The following CYRIA variants were observed in gnomAD, a reference collection of about 807,000 sequenced individuals.
CYRIA encodes the protein CYFIP-related Rac1 interactor A.
A neutral mutation model predicts 43.9 loss-of-function variants in CYRIA; 15 were observed. The ratio of observed to expected loss-of-function variants is 0.34; its 90% CI spans 0.23 to 0.53. CYRIA has a LOEUF of 0.53. CYRIA is among the 20% of genes least tolerant of loss of function. CYRIA has a pLI of 0.94. For synonymous variants in CYRIA, 117 were observed against 136.0 expected (o/e 0.86, Z 0.97); for missense variants, 236 against 394.2 (o/e 0.60, Z 3.40).
chr2:16,611,029 C>A (rs1668581003), intron 2 of CYRIA, among the ~76,000 whole-genome samples: 1 of 150,866 alleles, frequency 6.6e-6, no homozygotes, highest in Non-Finnish European at 1.5e-5. Flanking sequence ...ATCAATCCAT[C>A]CCCTGTATCT....
At chr2:16,557,570 G>A (rs1231402130) in intron 10 of CYRIA, among the ~76,000 whole-genome samples, 1 of 152,042 alleles carries the variant, frequency 6.6e-6, no homozygotes, top group Admixed American at 6.6e-5. Context: ...ATCTCAAATG[G>A]TTTACCGTGC....
At chr2:16,567,290 G>A (rs2103421347) in intron 3 of CYRIA, among the ~76,000 whole-genome samples, 1 of 152,210 alleles carries the variant, frequency 6.6e-6, no homozygotes, top group East Asian at 1.9e-4. Flanking sequence ...TGTAGTCTCA[G>A]CTACTTGGGA....
chr2:16,556,030 T>G (rs1483309780), intron 10 of CYRIA, among the ~76,000 whole-genome samples: 1 of 152,172 alleles, frequency 6.6e-6, no homozygotes, highest in African/African-American at 2.4e-5. Context: ...CATTACATTA[T>G]GCATATCCTG....
chr2:16,625,676 G>A (rs1191671321), intron 1 of CYRIA: 2 of 152,164 alleles, frequency 1.3e-5, no homozygotes, highest in South Asian at 4.1e-4. Flanking sequence ...TGTAGACATG[G>A]AAGGTGGTGA....
rs375473635 is a variant in CYRIA at position 16,564,257 on chromosome 2, G to C, written c.193-163C>G. Among the ~76,000 whole-genome samples, 28 of 152,264 alleles carry C rather than the reference G, an allele frequency of 1.8e-4. No individual in the cohort carries two copies. In the East Asian group the frequency reaches 4.3e-3, roughly 23 times the overall value. ...GATGGTCCTCCAACATGCTCAATAT[G>C]AATGGAAATTTTAACACTTGAACAT... On this transcript the variant is annotated intron_variant, in intron 4 of 11. Coordinates refer to ENST00000381323, the MANE Select transcript of CYRIA (RefSeq NM_030797.4).
chr2:16,563,302 C>G (rs1666815972), intron 5 of CYRIA, among the ~76,000 whole-genome samples: 1 of 152,148 alleles, frequency 6.6e-6, no homozygotes. Flanking sequence ...GTCTCAGCTT[C>G]TAGTCCTCTT....
At chr2:16,647,024 A>G (rs1420227692) in intron 1 of CYRIA, among the ~76,000 whole-genome samples, 2 of 152,216 alleles carry the variant, frequency 1.3e-5, no homozygotes, top group African/African-American at 4.8e-5. Flanking sequence ...CTGAGCCCCT[A>G]TAACCATGTT....
intron 3 of CYRIA, among the ~76,000 whole-genome samples, chr2:16,572,803 T>C (rs73918374): frequency 7.9e-5 from 12 of 152,072 alleles, no homozygotes; most frequent in African/African-American, 2.4e-4. Flanking sequence ...AAGAAAACCA[T>C]TTTTTTCAGC....
intron 4 of CYRIA, 125 bp from the exon 5 acceptor site, chr2:16,564,219 C>T (rs1013354532): frequency 4.6e-6 from 3 of 645,442 alleles, no homozygotes; most frequent in Admixed American, 3.3e-5. Context: ...CTTAAATCAA[C>T]ACCGGTTCAT....
intron 2 of CYRIA, among the ~76,000 whole-genome samples, chr2:16,588,392 A>C (rs1038574756): frequency 2.0e-5 from 3 of 151,912 alleles, no homozygotes; most frequent in African/African-American, 4.8e-5. Context: ...ATCTCTCTCG[A>C]GAGAATACAC....
chr2:16,627,220 C>T (rs894244257), intron 1 of CYRIA, among the ~76,000 whole-genome samples: 2 of 152,274 alleles, frequency 1.3e-5, no homozygotes, highest in South Asian at 2.1e-4. Flanking sequence ...AAGGCAATAT[C>T]CACTACGGGA....
intron 1 of CYRIA, among the ~76,000 whole-genome samples, chr2:16,647,731 T>C (rs1055115254): frequency 2.0e-5 from 3 of 152,148 alleles, no homozygotes; most frequent in Admixed American, 2.0e-4. Flanking sequence ...CCTTGTACAG[T>C]CCACATTTTT....
chr2:16,637,089 C>T (rs1198127098), intron 1 of CYRIA, among the ~76,000 whole-genome samples: 1 of 152,236 alleles, frequency 6.6e-6, no homozygotes, highest in Non-Finnish European at 1.5e-5. Context: ...TTCCTCACAT[C>T]CACATCCCAG....
At position 16,590,068 on chromosome 2, in the gene CYRIA, G is replaced by GCACACACACACA. The variant is rs70961461; in HGVS notation, c.-10-1951_-10-1940dup. On this transcript the variant is annotated intron_variant, in intron 2 of 11. Coordinates refer to ENST00000381323, the MANE Select transcript of CYRIA (RefSeq NM_030797.4). ...TGTAGGAATATATTTGGGCATGCAT[G>GCACACACACACA]CACACACACACACACACACACACAC... 1.6e-4 allele frequency among the ~76,000 whole-genome samples: 24 copies of GCACACACACACA among 147,806 alleles called. 1 individual carries two copies. The highest frequency in any genetic ancestry group is 5.7e-4 in the African/African-American group (23 of 40,578).
chr2:16,587,692 C>T lies in CYRIA; in HGVS notation c.70+358G>A, dbSNP rs753793440. ...ATGGGAGGTAACTGAATCATGGGGA[C>T]GGGTCTTCCCCATACTGTTCTCATG... On this transcript the variant is annotated intron_variant, in intron 3 of 11. Transcript: ENST00000381323. 1.7e-4 allele frequency among the ~76,000 whole-genome samples: 26 copies of T among 152,094 alleles called. No individual in the cohort carries two copies. In the East Asian group the frequency reaches 2.5e-3, roughly 15 times the overall value.
chr2:16,628,495 G>A lies in CYRIA; in HGVS notation c.-166-4476C>T, dbSNP rs139371821. 7.3e-4 allele frequency among the ~76,000 whole-genome samples: 111 copies of A among 152,288 alleles called. No homozygotes were observed. The East Asian group carries it at 0.019, about 27-fold the overall frequency. On this transcript the variant is annotated intron_variant, in intron 1 of 11. Coordinates refer to ENST00000381323, the MANE Select transcript of CYRIA (RefSeq NM_030797.4). ...GCTGTCAGAGCACATGGGCACAGGC[G>A]TTTACTTCCACATACTCCCTACGCT...
intron 1 of CYRIA, among the ~76,000 whole-genome samples, chr2:16,661,765 C>A (rs1042140470): frequency 1.3e-5 from 2 of 152,118 alleles, no homozygotes; most frequent in South Asian, 4.2e-4. Context: ...CTGTGTACTA[C>A]GGCACAAAGA....
intron 1 of CYRIA, among the ~76,000 whole-genome samples, chr2:16,630,513 C>T (rs1324673507): frequency 6.6e-6 from 1 of 152,090 alleles, no homozygotes; most frequent in African/African-American, 2.4e-5. Flanking sequence ...ACCTGAATGG[C>T]CATTAAGGTG....
At chr2:16,565,611 C>T (rs751971433) in intron 4 of CYRIA, 35 bp downstream of exon 4, 24 of 1,507,922 alleles carry the variant, frequency 1.6e-5, no homozygotes, top group South Asian at 7.7e-5. Context: ...TTCCCCTCCT[C>T]GGGTGTTGTC....
Sources: gnomAD v4.1 joint callset for allele counts (sites outside exome capture counted in the v4.1 genomes callset) on GRCh38, gnomAD v4.1.1 for gene constraint, MANE v1.5 for transcripts, NCBI Gene and HGNC (gene_info 2026-07-23, HGNC 2026-07-21) for gene names.